Variants in MTIF2 observed in about 807,000 individuals in gnomAD.
MTIF2 encodes translation initiation factor IF-2, mitochondrial.
In MTIF2, 71 loss-of-function variants were observed where a neutral mutation model predicts 83.5. That is an observed-to-expected ratio of 0.85 (90% confidence interval 0.70 to 1.04). The LOEUF (loss-of-function observed/expected upper bound fraction) is 1.04. Among genes scored for constraint, MTIF2 ranks in the 50% least tolerant of loss-of-function variants. MTIF2 has a pLI of 0.00. For synonymous variants in MTIF2, 319 were observed against 287.1 expected, an observed-to-expected ratio of 1.11 and a Z score of -1.12; for missense variants, 957 against 846.5, an observed-to-expected ratio of 1.13 and a Z score of -1.62.
intron 3 of MTIF2, chr2:55,266,370 A>G (rs1288640166): frequency 6.6e-6 from 1 of 151,782 alleles, no homozygotes; most frequent in Non-Finnish European, 1.5e-5. Flanking sequence ...TTAAAAATAC[A>G]AAAAAATTAC....
At chr2:55,256,066 G>T (rs961459085) in intron 5 of MTIF2, among the ~76,000 whole-genome samples, 8 of 152,124 alleles carry the variant, frequency 5.3e-5, no homozygotes, top group African/African-American at 1.9e-4. Context: ...TTGTAGACAG[G>T]GTTTCACCAT....
chr2:55,256,098 T>C (rs541876303), intron 5 of MTIF2, among the ~76,000 whole-genome samples: 103 of 152,186 alleles, frequency 6.8e-4, no homozygotes, highest in Non-Finnish European at 3.5e-4. Context: ...TGGTCTCAAA[T>C]TCCTGACCTC....
chr2:55,237,653 T>TC (rs1553366547), intron 14 of MTIF2, among the ~76,000 whole-genome samples: 22 of 139,860 alleles, frequency 1.6e-4, no homozygotes, highest in South Asian at 9.5e-4. Context: ...TTTTTTCTTT[T>TC]TTTTTTTTTT....
At chr2:55,239,471 T>G (rs1676138717) in intron 14 of MTIF2, among the ~76,000 whole-genome samples, 1 of 152,066 alleles carries the variant, frequency 6.6e-6, no homozygotes, top group African/African-American at 2.4e-5. Context: ...TTCTGGAAAT[T>G]TAAAACTATT....
chr2:55,254,279 C>G, intron 6 of MTIF2, 78 bp from the exon 7 acceptor site: 1 of 1,458,506 alleles, frequency 6.9e-7, no homozygotes, highest in Non-Finnish European at 9.3e-7. Context: ...TCACATTTAT[C>G]CCTGTGAACT....
Position 55,236,678 on chromosome 2 carries a change from T to G in MTIF2, c.2154A>C (p.Gln718His). The G allele has an allele frequency of 1.3e-6, 2 of 1,599,530 alleles. No homozygotes were observed. The highest frequency in any genetic ancestry group is 1.7e-6 in the Non-Finnish European group (2 of 1,176,256). ...ATCCTGGATCCCAAGAAGTCTTGGC[T>G]TGAATTTGCTTTTCTTCATAACAAA... is the stretch of plus-strand genomic sequence containing the variant. ...RIVCYEEKQIQAKTSWDPGF is the reference protein window; with the variant it reads ...RIVCYEEKQIHAKTSWDPGF Residue 718 changes from glutamine to histidine, a missense_variant, in exon 16 of 16, where the codon CAA becomes CAC. By Grantham distance (24) the Gln-to-His change is conservative. Coordinates refer to ENST00000263629, the MANE Select transcript of MTIF2 (RefSeq NM_002453.3).
intron 15 of MTIF2, 49 bp from the exon 16 acceptor site, chr2:55,236,869 C>T (rs767658501): frequency 7.6e-7 from 1 of 1,323,356 alleles, no homozygotes; most frequent in Non-Finnish European, 1.0e-6. Flanking sequence ...TGATAAGTAC[C>T]TACTAAATAC....
In MTIF2 at chr2:55,237,414, G is replaced by A. The variant is rs1250481666; in HGVS notation, c.1885C>T (p.Leu629=). The A allele has an allele frequency of 1.9e-6, 3 of 1,610,702 alleles. No homozygotes were observed. The highest frequency in any genetic ancestry group is 2.5e-6 in the Non-Finnish European group (3 of 1,179,162). ...EEHPVGEASI[L]ATFSVTEGKK... ...CCTTCTGTTACAGAGAAGGTAGCTA[G>A]TATAGATGCCTCACCTTTAGGAAGA... is the stretch of plus-strand genomic sequence containing the variant. The change falls in exon 15 of 16, where the codon CTA becomes TTA. Residue 629 remains leucine (L), a synonymous_variant. Coordinates refer to ENST00000263629, the MANE Select transcript of MTIF2 (RefSeq NM_002453.3).
intron 13 of MTIF2, among the ~76,000 whole-genome samples, chr2:55,241,105 C>G (rs111861051): frequency 5.5e-4 from 83 of 151,912 alleles, no homozygotes; most frequent in African/African-American, 2.0e-3. Context: ...ACACTCTTGT[C>G]TTAAACAAAA....
chr2:55,240,109 A>C lies in MTIF2; in HGVS notation c.1772T>G (p.Val591Gly). 1 of 1,613,754 alleles carries C rather than the reference A, an allele frequency of 6.2e-7. No homozygotes were observed. Among genetic ancestry groups the C allele is most frequent in the South Asian group, 1.1e-5 (1 of 91,054 alleles). The change falls in exon 14 of 16, where the codon GTA (valine) becomes GGA (glycine). Residue 591 changes from valine to glycine, a missense_variant. Around this residue, in one of 3 missense-constraint regions of MTIF2, gnomAD observed 221 missense variants for 180.6 expected, o/e 1.22. Transcript: ENST00000263629. ...VIQQSAAKKGVKIKLHKIIYR... is the reference protein window; with the variant it reads ...VIQQSAAKKGGKIKLHKIIYR... ...AATTATTTTGTGAAGTTTAATTTTT[A>C]CTCCTTTTTTTGCAGCTGACTGTTG... is the stretch of plus-strand genomic sequence containing the variant.
chr2:55,254,244 A>G, intron 6 of MTIF2, 43 bp from the exon 7 acceptor site: 2 of 1,592,628 alleles, frequency 1.3e-6, no homozygotes, highest in Non-Finnish European at 1.7e-6. Context: ...AAATATCAGA[A>G]ATACTTTATA....
chr2:55,249,284 T>C, intron 9 of MTIF2, 111 bp downstream of exon 9: 1 of 1,432,652 alleles, frequency 7.0e-7, no homozygotes, highest in Non-Finnish European at 9.4e-7. Flanking sequence ...GAAAACTTTT[T>C]AAAAACAACA....
intron 9 of MTIF2, among the ~76,000 whole-genome samples, chr2:55,248,547 T>C (rs373410648): frequency 2.6e-5 from 4 of 152,304 alleles, no homozygotes; most frequent in African/African-American, 9.6e-5. Flanking sequence ...GTAAGAGAAT[T>C]GGAAAACACT....
Position 55,252,523 on chromosome 2 carries a change from C to T in MTIF2, c.795G>A (p.Val265=), listed in dbSNP as rs1290090712. ...GAATAGATTCTACAGTTTGTTTCAT[C>T]ACTCCATCATCTGCAGCTACAACCA... The part of the protein sequence containing the change: ...VVLVVAADDG[V]MKQTVESIQH... The change falls in exon 8 of 16, where the codon GTG becomes GTA. Residue 265 remains valine, a synonymous_variant. Transcript: ENST00000263629. The T allele has an allele frequency of 2.5e-6, 4 of 1,614,046 alleles. No individual in the cohort carries two copies. The African/African-American group carries it at 4.0e-5, about 16-fold the overall frequency.
intron 5 of MTIF2, among the ~76,000 whole-genome samples, chr2:55,261,363 T>C (rs2104451600): frequency 6.6e-6 from 1 of 151,742 alleles, no homozygotes; most frequent in Non-Finnish European, 1.5e-5. Flanking sequence ...CCCATCACTC[T>C]GGGAGGCCGA....
At chr2:55,260,584 G>A (rs1677893419) in intron 5 of MTIF2, among the ~76,000 whole-genome samples, 1 of 152,178 alleles carries the variant, frequency 6.6e-6, no homozygotes, top group Non-Finnish European at 1.5e-5. Flanking sequence ...GTGCTCTGGA[G>A]CCATATTCCA....
chr2:55,236,645 A>G lies in MTIF2; in HGVS notation c.*3T>C. The G allele has an allele frequency of 1.1e-5, 18 of 1,581,300 alleles. No homozygotes were observed. Among genetic ancestry groups the G allele is most frequent in the Non-Finnish European group, 1.5e-5 (17 of 1,168,818 alleles). On this transcript the variant is annotated 3_prime_UTR_variant, in exon 16 of 16. Transcript: ENST00000263629. The stretch of plus-strand genomic sequence containing the variant: ...TTGAGTTATTTACATTTTTAATGTA[A>G]TTTTAAAATCCTGGATCCCAAGAAG...
At chr2:55,239,310 C>T (rs941762017) in intron 14 of MTIF2, among the ~76,000 whole-genome samples, 6 of 152,052 alleles carry the variant, frequency 3.9e-5, no homozygotes, top group African/African-American at 1.4e-4. Context: ...GGCAAATGGG[C>T]ACTATATCTC....
chr2:55,262,749 G>T (rs1678124299), intron 4 of MTIF2, among the ~76,000 whole-genome samples: 1 of 150,864 alleles, frequency 6.6e-6, no homozygotes. Flanking sequence ...TTTGTTTTGA[G>T]ACAGAGTCTA....
Sources: allele counts gnomAD v4.1 joint callset (sites outside exome capture counted in the v4.1 genomes callset), GRCh38; gene constraint gnomAD v4.1.1; regional missense constraint gnomAD v4.1.1; transcripts MANE v1.5; gene names NCBI Gene and HGNC (gene_info 2026-07-23, HGNC 2026-07-21).